The following RPSA2 variants were observed in gnomAD, a reference collection of about 807,000 sequenced individuals.
RPSA2 encodes the protein small ribosomal subunit protein uS2B.
At chr19:23,852,629 G>C in the RPSA2 span, among the ~76,000 whole-genome samples, 2 of 152,294 alleles carry the variant, frequency 1.3e-5, no homozygotes, top group South Asian at 4.1e-4. Flanking sequence ...TTCCGCCTGG[G>C]TGGGCCAGGT....
chr19:23,793,780 G>T, the RPSA2 span, among the ~76,000 whole-genome samples: 1 of 151,974 alleles, frequency 6.6e-6, no homozygotes, highest in Non-Finnish European at 1.5e-5. Context: ...TGGCCAGGAT[G>T]GTCTTGAATT....
the RPSA2 span, among the ~76,000 whole-genome samples, chr19:23,857,703 G>T: frequency 3.3e-5 from 5 of 151,606 alleles, no homozygotes; most frequent in Non-Finnish European, 5.9e-5. Context: ...CACCATATTG[G>T]TCAGGCTGGT....
the RPSA2 span, among the ~76,000 whole-genome samples, chr19:23,861,449 T>G: frequency 6.6e-6 from 1 of 152,110 alleles, no homozygotes; most frequent in African/African-American, 2.4e-5. Flanking sequence ...ATTTTTCACT[T>G]CTAGCATATC....
At chr19:23,863,861 A>G in the RPSA2 span, among the ~76,000 whole-genome samples, 1 of 152,244 alleles carries the variant, frequency 6.6e-6, no homozygotes, top group East Asian at 1.9e-4. Flanking sequence ...ATCATAATAC[A>G]AAACAAACAC....
At chr19:23,769,296 T>TA in the RPSA2 span, among the ~76,000 whole-genome samples, 1 of 152,204 alleles carries the variant, frequency 6.6e-6, no homozygotes, top group Non-Finnish European at 1.5e-5. Flanking sequence ...TCCTGGGCCC[T>TA]ACCCATGAGG....
chr19:23,770,552 G>A, the RPSA2 span, among the ~76,000 whole-genome samples: 3 of 152,308 alleles, frequency 2.0e-5, no homozygotes, highest in South Asian at 2.1e-4. Flanking sequence ...CAGCACATAA[G>A]TGGCCTTGTG....
chr19:23,869,576 A>G, the RPSA2 span, among the ~76,000 whole-genome samples: 2 of 152,180 alleles, frequency 1.3e-5, no homozygotes, highest in Admixed American at 6.5e-5. Flanking sequence ...AAAGAGGAAA[A>G]TCAGAAATCA....
chr19:23,776,257 CA>C, the RPSA2 span, among the ~76,000 whole-genome samples: 1 of 152,146 alleles, frequency 6.6e-6, no homozygotes, highest in African/African-American at 2.4e-5. Flanking sequence ...GGATTTAACC[CA>C]CAGATGAATC....
the RPSA2 span, among the ~76,000 whole-genome samples, chr19:23,848,927 C>G: frequency 2.6e-5 from 4 of 152,176 alleles, no homozygotes; most frequent in Non-Finnish European, 5.9e-5. Flanking sequence ...ATCACAGCAA[C>G]TAAAGTGAAA....
At chr19:23,764,801 A>C in the RPSA2 span, among the ~76,000 whole-genome samples, 1 of 140,886 alleles carries the variant, frequency 7.1e-6, no homozygotes. Context: ...ACTCCACTTT[A>C]AAAAAAAAAA....
the RPSA2 span, among the ~76,000 whole-genome samples, chr19:23,777,236 G>A: frequency 6.6e-6 from 1 of 152,180 alleles, no homozygotes. Flanking sequence ...ATATTGCTTG[G>A]CCAGGATCCT....
chr19:23,828,025 A>G, the RPSA2 span: 1 of 679,548 alleles, frequency 1.5e-6, no homozygotes, highest in African/African-American at 1.8e-5. Context: ...CTGAATGGGT[A>G]GGAGCAACCA....
chr19:23,835,237 C>A, the RPSA2 span, among the ~76,000 whole-genome samples: 1 of 151,756 alleles, frequency 6.6e-6, no homozygotes, highest in African/African-American at 2.4e-5. Context: ...GAACATGTGG[C>A]CTTTGCCTGC....
At chr19:23,826,349 T>G in the RPSA2 span, among the ~76,000 whole-genome samples, 3 of 151,982 alleles carry the variant, frequency 2.0e-5, no homozygotes, top group South Asian at 6.2e-4. Context: ...CCCATCACCA[T>G]GCCTGGCTAA....
chr19:23,806,758 C>T, the RPSA2 span, among the ~76,000 whole-genome samples: 1 of 133,598 alleles, frequency 7.5e-6, no homozygotes, highest in Non-Finnish European at 1.5e-5. Flanking sequence ...GCACTCCAAC[C>T]TGGGTGACAG....
the RPSA2 span, among the ~76,000 whole-genome samples, chr19:23,841,622 G>A: frequency 6.1e-3 from 922 of 152,270 alleles, 9 homozygotes; most frequent in African/African-American, 0.021. Context: ...TGGGTGATTT[G>A]TGGGTTACTG....
At chr19:23,782,093 A>G in the RPSA2 span, 1 of 152,454 alleles carries the variant, frequency 6.6e-6, no homozygotes, top group Admixed American at 6.5e-5. Context: ...CCATTGTAAC[A>G]TTGCTGAGTC....
At chr19:23,840,440 A>G in the RPSA2 span, among the ~76,000 whole-genome samples, 3 of 152,100 alleles carry the variant, frequency 2.0e-5, no homozygotes, top group African/African-American at 4.8e-5. Flanking sequence ...CTTATTGGGG[A>G]TGGTGCTGGG....
At chr19:23,839,550 A>T in the RPSA2 span, among the ~76,000 whole-genome samples, 1 of 152,314 alleles carries the variant, frequency 6.6e-6, no homozygotes, top group African/African-American at 2.4e-5. Context: ...TGGTAAAATA[A>T]AAAGGCTTTA....
Sources: gnomAD v4.1 joint callset for allele counts (sites outside exome capture counted in the v4.1 genomes callset) on GRCh38, gnomAD v4.1.1 for gene constraint, MANE v1.5 for transcripts, NCBI Gene and HGNC (gene_info 2026-07-23, HGNC 2026-07-21) for gene names.